Variants in RGS3 observed in about 807,000 individuals in gnomAD.
The protein encoded by RGS3 is regulator of G-protein signalling 3.
RGS3 carries 80 observed loss-of-function variants against 132.6 expected under a neutral mutation model. The ratio of observed to expected loss-of-function variants is 0.60; its 90% CI spans 0.50 to 0.73. RGS3 has a LOEUF of 0.73. Ranked by LOEUF, RGS3 falls within the 30% of genes least tolerant of loss-of-function variation. The pLI, the probability that RGS3 is intolerant of heterozygous loss-of-function variation, is 0.00. For synonymous variants in RGS3, 598 were observed against 620.6 expected, an observed-to-expected ratio of 0.96 and a Z score of 0.54; for missense variants, 1,382 against 1,530.8, an observed-to-expected ratio of 0.90 and a Z score of 1.62.
Position 113,584,433 on chromosome 9 carries a change from A to G in RGS3, c.3015+6A>G. Reference sequence around the variant, plus strand: ...TCTTCACAGGACACAGGAAGGTGAGAAAGCTAAAGGGGGAGGGAGAAGGAT... The same window carrying G: ...TCTTCACAGGACACAGGAAGGTGAGGAAGCTAAAGGGGGAGGGAGAAGGAT... On this transcript the variant is annotated splice_donor_region_variant and intron_variant, in intron 20 of 24. Transcript: ENST00000350696. 1 of 1,506,160 alleles carries G rather than the reference A, an allele frequency of 6.6e-7. No homozygotes were observed. Among genetic ancestry groups the G allele is most frequent in the Non-Finnish European group, 8.8e-7 (1 of 1,135,220 alleles). 93.3% of individuals were successfully genotyped at this position (1,506,160 alleles called of 1,614,324 possible).
At chr9:113,541,461 C>A in intron 19 of RGS3, 1 of 1,607,678 alleles carries the variant, frequency 6.2e-7, no homozygotes, top group South Asian at 1.1e-5. Context: ...CTTCTGGCAA[C>A]TTAACCCTTT....
rs771392212 is a variant in RGS3, at chr9:113,507,362, C to G, written c.1161C>G (p.Val387=). 1 of 1,613,974 alleles carries G rather than the reference C, an allele frequency of 6.2e-7. No homozygotes were observed. Residue 387 remains valine, a synonymous_variant, in exon 13 of 25, where the codon GTC becomes GTG. Coordinates refer to ENST00000350696, the Ensembl canonical transcript of RGS3. The surrounding 1 kb of genome is among the most constrained non-coding windows in gnomAD (Gnocchi z 5.0). ...TCAAGCCAGGACCAGATGGCGGGGT[C>G]CTGCGGCGGGCCTCCTGCAAGTCGA...
intron 17 of RGS3, among the ~76,000 whole-genome samples, chr9:113,526,747 T>A (rs1426305632): frequency 2.6e-5 from 4 of 152,212 alleles, no homozygotes; most frequent in African/African-American, 9.6e-5. Flanking sequence ...GGATCCCTCC[T>A]GCATGGTCCA....
At chr9:113,497,950 G>A (rs763394443) in intron 9 of RGS3, 75 bp from the exon 8 acceptor site, 3 of 1,476,214 alleles carry the variant, frequency 2.0e-6, no homozygotes, top group Non-Finnish European at 2.8e-6. Context: ...TCCCAGTGCT[G>A]TCCTCTGGGT....
chr9:113,541,194 C>A (rs1165256287), intron 19 of RGS3: 3 of 966,240 alleles, frequency 3.1e-6, no homozygotes, highest in Non-Finnish European at 4.6e-6. Context: ...ACTGGGGCCA[C>A]TAGAGACAGC....
chr9:113,452,998 A>C (rs1829284283), intron 1 of RGS3, among the ~76,000 whole-genome samples: 1 of 133,632 alleles, frequency 7.5e-6, no homozygotes, highest in Admixed American at 8.4e-5. Flanking sequence ...TAATATATAA[A>C]TATAAATATA....
At chr9:113,593,743 C>G in intron 21 of RGS3, 2 of 632,124 alleles carry the variant, frequency 3.2e-6, no homozygotes, top group South Asian at 3.9e-5. Context: ...CCAGCAGTTT[C>G]ACCCAGTGCT....
At chr9:113,590,555 C>T (rs1009787289) in intron 20 of RGS3, among the ~76,000 whole-genome samples, 1 of 146,746 alleles carries the variant, frequency 6.8e-6, no homozygotes, top group African/African-American at 2.5e-5. Context: ...CACCTATCCA[C>T]ATATCCATCC....
intron 10 of RGS3, among the ~76,000 whole-genome samples, chr9:113,498,388 G>A (rs1219788027): frequency 2.0e-5 from 3 of 152,106 alleles, no homozygotes; most frequent in African/African-American, 7.2e-5. Context: ...AGACTTCTCG[G>A]CCCCCTGCTT....
chr9:113,509,247 T>C (rs1395061311), intron 14 of RGS3, among the ~76,000 whole-genome samples: 2 of 151,478 alleles, frequency 1.3e-5, no homozygotes, highest in Non-Finnish European at 2.9e-5. Context: ...ATCATGCCAC[T>C]GCACTCTAGC....
exon 24 of RGS3, chr9:113,595,632 C>T (rs749853906): frequency 6.2e-7 from 1 of 1,614,192 alleles, no homozygotes; most frequent in Non-Finnish European, 8.5e-7. Flanking sequence ...TTCCTTCGCA[C>T]TGAGTTCAGT....
intron 19 of RGS3, chr9:113,580,700 G>A (rs1032354204): frequency 4.7e-5 from 32 of 685,618 alleles, no homozygotes; most frequent in Admixed American, 6.3e-5. Context: ...TCTGGGGGCA[G>A]TACCCCTGCC....
chr9:113,546,374 T>C (rs1833116641), intron 19 of RGS3, among the ~76,000 whole-genome samples: 1 of 152,188 alleles, frequency 6.6e-6, no homozygotes, highest in South Asian at 2.1e-4. Context: ...AATTCATCCT[T>C]AGCATCTGGA....
intron 18 of RGS3, among the ~76,000 whole-genome samples, chr9:113,531,934 G>T (rs1446584596): frequency 6.6e-6 from 1 of 152,176 alleles, no homozygotes; most frequent in African/African-American, 2.4e-5. Context: ...TTTTTACAAA[G>T]ATACAGTTAA....
rs151192044 is a variant in RGS3, at chr9:113,450,694, G to A, written c.-13+5767G>A. On this transcript the variant is annotated intron_variant, in intron 1 of 25. Coordinates refer to the RGS3 transcript ENST00000374140. ...GGGAAAGAATATTGAGGAGGGAAGAGGACTAAAGGCCACAGCCAGGAACAC... is the reference window on the plus strand; with the variant it reads ...GGGAAAGAATATTGAGGAGGGAAGAAGACTAAAGGCCACAGCCAGGAACAC... Among the ~76,000 whole-genome samples the A allele has an allele frequency of 4.6e-3, 695 of 152,190 alleles. 2 individuals carry two copies. The highest frequency in any genetic ancestry group is 0.015 in the African/African-American group (633 of 41,516).
chr9:113,541,436 A>T, intron 19 of RGS3: 2 of 1,612,728 alleles, frequency 1.2e-6, no homozygotes, highest in Non-Finnish European at 1.7e-6. Context: ...GAGCAAACCC[A>T]AGGGCGGGAC....
chr9:113,593,677 G>T, intron 21 of RGS3: 1 of 546,606 alleles, frequency 1.8e-6, no homozygotes, highest in Non-Finnish European at 3.3e-6. Context: ...CCCTGTACAG[G>T]GGGTCTAGGG....
chr9:113,514,601 G>A lies in RGS3; in HGVS notation c.1621G>A (p.Gly541Ser), dbSNP rs148129887. Residue 541 changes from glycine to serine, a missense_variant, in exon 15 of 25, where the codon GGC becomes AGC. Coordinates refer to ENST00000350696, the Ensembl canonical transcript of RGS3. Reference sequence around the variant, plus strand: ...GCCGCATGCCACGCACTCAAGCTATGGCACCTACGTCACCCTGGCCCCCAA... The same window carrying A: ...GCCGCATGCCACGCACTCAAGCTATAGCACCTACGTCACCCTGGCCCCCAA... The A allele has an allele frequency of 1.2e-5, 19 of 1,614,066 alleles. No individual in the cohort carries two copies. The African/African-American group carries it at 2.4e-4, about 20-fold the overall frequency.
chr9:113,586,357 TCA>T (rs1835118467), intron 20 of RGS3, among the ~76,000 whole-genome samples: 1 of 152,238 alleles, frequency 6.6e-6, no homozygotes, highest in Non-Finnish European at 1.5e-5. Flanking sequence ...ACAGATAAAT[TCA>T]CACACATTCA....
Sources: allele counts gnomAD v4.1 joint callset (sites outside exome capture counted in the v4.1 genomes callset), GRCh38; gene constraint gnomAD v4.1.1; non-coding constraint Gnocchi (gnomAD v3.1); transcripts MANE v1.5; gene names NCBI Gene and HGNC (gene_info 2026-07-23, HGNC 2026-07-21).